ARHGAP39: variants seen among roughly 807,000 people sequenced by gnomAD.
ARHGAP39 encodes Rho GTPase activating protein 39.
In ARHGAP39, 44 loss-of-function variants were observed where a neutral mutation model predicts 106.9. The ratio of observed to expected loss-of-function variants is 0.41; its 90% CI spans 0.32 to 0.53. ARHGAP39 has a LOEUF of 0.53. Ranked by LOEUF, ARHGAP39 falls within the 20% of genes least tolerant of loss-of-function variation. ARHGAP39 has a pLI of 0.21. For missense variants in ARHGAP39, 1,496 were observed against 1,577.3 expected (o/e 0.95, Z 0.87); for synonymous variants, 768 against 693.2 (o/e 1.11, Z -1.69).
intron 1 of ARHGAP39, among the ~76,000 whole-genome samples, chr8:144,623,079 G>A (rs534820920): frequency 1.3e-5 from 2 of 152,324 alleles, no homozygotes; most frequent in Non-Finnish European, 2.9e-5. Flanking sequence ...CTGTGTGGAC[G>A]GAGTGCTCAG....
chr8:144,648,895 A>G (rs895734929), intron 1 of ARHGAP39, among the ~76,000 whole-genome samples: 1 of 151,886 alleles, frequency 6.6e-6, no homozygotes, highest in African/African-American at 2.4e-5. Flanking sequence ...CCCACATCAG[A>G]AAGTTAGACA....
chr8:144,697,537 GAGA>G, the ARHGAP39 span, among the ~76,000 whole-genome samples: 3 of 148,994 alleles, frequency 2.0e-5, no homozygotes, highest in Non-Finnish European at 3.0e-5. Context: ...CTTTTTTTTT[GAGA>G]AGGAGTTTCA....
Position 144,548,002 on chromosome 8 carries a change from G to A in ARHGAP39, c.1084C>T (p.Gln362Ter). ...KPRPFLQPNK[Q>*]GPPSPCQQLV... ...TGCTGGCAGGGCGAGGGGGGGCCCT[G>A]CTTGTTGGGCTGGAGGAACGGCCGG... is the stretch of plus-strand genomic sequence containing the variant. Residue 362 changes from glutamine (Q) to a stop codon, truncating the protein, a stop_gained, in exon 5 of 12, where the codon CAG becomes TAG. Transcript: ENST00000377307. LOFTEE classifies it high-confidence loss of function. The surrounding 1 kb of genome is among the most constrained non-coding windows in gnomAD (Gnocchi z 7.4). 1 of 1,610,158 alleles carries A rather than the reference G, an allele frequency of 6.2e-7. No individual in the cohort carries two copies. The highest frequency in any genetic ancestry group is 8.5e-7 in the Non-Finnish European group (1 of 1,179,200).
At chr8:144,618,100 G>T (rs868008206) in intron 1 of ARHGAP39, among the ~76,000 whole-genome samples, 8 of 152,238 alleles carry the variant, frequency 5.3e-5, no homozygotes, top group South Asian at 2.1e-4. Flanking sequence ...TATTTTCAAT[G>T]GAATAGAATA....
chr8:144,669,556 C>CAAAAAAAAAA (rs1432579212), intron 1 of ARHGAP39, among the ~76,000 whole-genome samples: 1 of 137,320 alleles, frequency 7.3e-6, no homozygotes, highest in African/African-American at 2.8e-5. Flanking sequence ...TTATGTACTG[C>CAAAAAAAAAA]AAAAAATAAA....
At chr8:144,633,713 G>A (rs1821119538) in intron 1 of ARHGAP39, among the ~76,000 whole-genome samples, 1 of 152,158 alleles carries the variant, frequency 6.6e-6, no homozygotes, top group Non-Finnish European at 1.5e-5. Context: ...AATAGATAGA[G>A]TCTTGCTCTG....
intron 1 of ARHGAP39, among the ~76,000 whole-genome samples, chr8:144,685,038 G>A (rs1185127809): frequency 2.0e-5 from 3 of 152,114 alleles, no homozygotes; most frequent in African/African-American, 4.8e-5. Context: ...AATGCGGCCG[G>A]TGCCCCGAGC....
intron 2 of ARHGAP39, among the ~76,000 whole-genome samples, chr8:144,581,510 G>A (rs1186519358): frequency 2.0e-5 from 3 of 152,224 alleles, no homozygotes. Flanking sequence ...GGGGGTCCTG[G>A]GCCCCACGTG....
intron 7 of ARHGAP39, among the ~76,000 whole-genome samples, chr8:144,535,715 C>T (rs1253676834): frequency 2.0e-5 from 3 of 152,220 alleles, no homozygotes; most frequent in African/African-American, 4.8e-5. Context: ...ACAAACACCC[C>T]AGCCTGAGCC....
the ARHGAP39 span, among the ~76,000 whole-genome samples, chr8:144,693,262 G>A: frequency 5.4e-5 from 8 of 147,996 alleles, no homozygotes; most frequent in Admixed American, 2.0e-4. Flanking sequence ...GTGAGGTTTC[G>A]CCATGTTGGC....
chr8:144,579,201 C>CA (rs541332282), intron 3 of ARHGAP39, among the ~76,000 whole-genome samples: 3,480 of 39,250 alleles, frequency 0.089, 425 homozygotes, highest in African/African-American at 0.19. Context: ...GACTCTGTCT[C>CA]AAAAAAAAAA....
At chr8:144,667,157 C>T (rs1451572389) in intron 1 of ARHGAP39, among the ~76,000 whole-genome samples, 3 of 152,192 alleles carry the variant, frequency 2.0e-5, no homozygotes, top group Non-Finnish European at 4.4e-5. Context: ...GCAGATGCAG[C>T]ACCCTGATGC....
chr8:144,667,903 T>C (rs1382203655), intron 1 of ARHGAP39, among the ~76,000 whole-genome samples: 2 of 152,228 alleles, frequency 1.3e-5, no homozygotes, highest in Non-Finnish European at 2.9e-5. Flanking sequence ...ACATTTATCT[T>C]CAAAACATTT....
intron 1 of ARHGAP39, among the ~76,000 whole-genome samples, chr8:144,658,825 G>C (rs1586642090): frequency 6.6e-6 from 1 of 152,004 alleles, no homozygotes; most frequent in African/African-American, 2.4e-5. Flanking sequence ...TAGACAAAAT[G>C]ATTATATATG....
chr8:144,547,897 G>T lies in ARHGAP39; in HGVS notation c.1189C>A (p.Gln397Lys). ...CCCGCCTGCTCCACGTAGACCAGCT[G>T]CCGCACGTACTCCTTGCCGGCGGGA... ...YSPAGKEYVR[Q>K]LVYVEQAGSS... is the part of the protein sequence containing the mutation. The change falls in exon 5 of 12, where the codon CAG becomes AAG. Residue 397 changes from glutamine (Q) to lysine (K), a missense_variant. Gln to Lys is a moderately conservative substitution (Grantham distance 53). This residue lies in a region of ARHGAP39 where 905 missense variants were observed against 816.4 expected (regional missense o/e 1.11). Transcript: ENST00000377307. This position sits in a 1 kb window ranked among gnomAD's most constrained non-coding sequence, Gnocchi z 5.2. 6.3e-7 allele frequency: 1 copy of T among 1,582,858 alleles called. No individual in the cohort carries two copies. Among genetic ancestry groups the T allele is most frequent in the Non-Finnish European group, 8.6e-7 (1 of 1,165,276 alleles).
At chr8:144,577,094 T>C (rs1040346866) in intron 3 of ARHGAP39, among the ~76,000 whole-genome samples, 1 of 152,230 alleles carries the variant, frequency 6.6e-6, no homozygotes, top group Non-Finnish European at 1.5e-5. Context: ...CCTTTCAGTA[T>C]CATCTCCTTT....
At chr8:144,659,262 T>C (rs570867006) in intron 1 of ARHGAP39, among the ~76,000 whole-genome samples, 1 of 152,318 alleles carries the variant, frequency 6.6e-6, no homozygotes, top group South Asian at 2.1e-4. Flanking sequence ...GCCATTAGCC[T>C]ACCACCAGCC....
intron 4 of ARHGAP39, among the ~76,000 whole-genome samples, chr8:144,552,308 G>A (rs1241104527): frequency 6.6e-6 from 1 of 152,240 alleles, no homozygotes; most frequent in African/African-American, 2.4e-5. Flanking sequence ...ACAGCCAGAA[G>A]CGCGTCCCTG....
chr8:144,532,274 C>T (rs749635962), intron 10 of ARHGAP39, 31 bp downstream of exon 10: 83 of 1,606,634 alleles, frequency 5.2e-5, no homozygotes, highest in Middle Eastern at 1.7e-4. Context: ...GAGCCAGGCC[C>T]GCTCTGCTGC....
Sources: gnomAD v4.1 joint callset for allele counts (sites outside exome capture counted in the v4.1 genomes callset) on GRCh38, gnomAD v4.1.1 for gene constraint, gnomAD v4.1.1 regional missense constraint, Gnocchi (gnomAD v3.1) non-coding constraint, MANE v1.5 for transcripts, NCBI Gene and HGNC (gene_info 2026-07-23, HGNC 2026-07-21) for gene names.